Variants in GABRR2 observed in about 807,000 individuals in gnomAD.
GABRR2 encodes the protein gamma-aminobutyric acid receptor subunit rho-2.
Under a neutral mutation model 47.0 loss-of-function variants are expected in GABRR2, and 36 were observed. That is an observed-to-expected ratio of 0.77 (90% confidence interval 0.59 to 1.01). The LOEUF is 1.01. Ranked by LOEUF, GABRR2 falls within the 50% of genes least tolerant of loss-of-function variation. GABRR2 has a pLI of 0.00. For synonymous variants in GABRR2, 204 were observed against 227.5 expected (o/e 0.90, Z 0.93); for missense variants, 587 against 594.6 (o/e 0.99, Z 0.13).
In GABRR2 at chr6:89,257,625, C is replaced by A. The variant is rs771593200; in HGVS notation, c.*45G>T. The A allele has an allele frequency of 6.7e-6, 10 of 1,482,186 alleles. No individual in the cohort carries two copies. Among genetic ancestry groups the A allele is most frequent in the Admixed American group, 3.9e-5 (2 of 51,838 alleles). The allele number at this position is 1,482,186 out of a possible 1,614,324, so 91.8% of individuals were successfully genotyped here. ...GTCCGTCTGTCAATGACTGGCCAGG[C>A]CCCCTCGATGTCTATGCCCTCTTCT... On this transcript the variant is annotated 3_prime_UTR_variant, in exon 9 of 9. Coordinates refer to ENST00000402938, the MANE Select transcript of GABRR2 (RefSeq NM_002043.5).
At chr6:89,271,752 G>T (rs1295968335) in intron 2 of GABRR2, 30 bp from the exon 3 acceptor site, 2 of 1,595,398 alleles carry the variant, frequency 1.3e-6, no homozygotes, top group East Asian at 2.3e-5. Flanking sequence ...GCTGGTTAAG[G>T]CACCTTCCTC....
At chr6:89,297,741 T>C (rs2127846478) in intron 2 of GABRR2, among the ~76,000 whole-genome samples, 1 of 152,240 alleles carries the variant, frequency 6.6e-6, no homozygotes, top group Admixed American at 6.5e-5. Context: ...CAATCCCAGC[T>C]ATTCAGGAGG....
At chr6:89,274,005 T>G (rs150357450) in intron 2 of GABRR2, among the ~76,000 whole-genome samples, 4 of 152,326 alleles carry the variant, frequency 2.6e-5, no homozygotes, top group Admixed American at 2.6e-4. Flanking sequence ...TCAGATAACA[T>G]GCACAGTGTT....
At position 89,265,862 on chromosome 6, in the gene GABRR2, A is replaced by T; in HGVS notation, c.737-97T>A. ...GTCTTTCACTGACTTGGCTCTCCTC[A>T]GCAACAGAAAGTTGAAATTAATGAC... On this transcript the variant is annotated intron_variant, in intron 6 of 8. Coordinates refer to ENST00000402938, the MANE Select transcript of GABRR2 (RefSeq NM_002043.5). The T allele has an allele frequency of 1.2e-5, 15 of 1,206,584 alleles. No individual in the cohort carries two copies. The South Asian group carries it at 2.2e-4, about 18-fold the overall frequency. The allele number at this position is 1,206,584 out of a possible 1,614,324, so 74.7% of individuals were successfully genotyped here.
At chr6:89,298,712 T>C (rs947980159) in intron 2 of GABRR2, among the ~76,000 whole-genome samples, 1 of 152,216 alleles carries the variant, frequency 6.6e-6, no homozygotes, top group African/African-American at 2.4e-5. Context: ...TCAGAGCAGA[T>C]GACTGATTCC....
chr6:89,258,340 G>T (rs570323037), intron 8 of GABRR2, among the ~76,000 whole-genome samples: 1 of 152,252 alleles, frequency 6.6e-6, no homozygotes, highest in Non-Finnish European at 1.5e-5. Flanking sequence ...CACAGCTGGT[G>T]TCAGAGCAGG....
intron 1 of GABRR2, among the ~76,000 whole-genome samples, chr6:89,309,972 CAG>C (rs1245360869): frequency 7.4e-6 from 1 of 134,910 alleles, no homozygotes; most frequent in Admixed American, 7.9e-5. Flanking sequence ...TTTGTAGAGA[CAG>C]GGTCTCACTA....
intron 1 of GABRR2, among the ~76,000 whole-genome samples, chr6:89,312,652 C>T (rs1422510974): frequency 6.6e-6 from 1 of 152,140 alleles, no homozygotes; most frequent in African/African-American, 2.4e-5. Flanking sequence ...TTGACACCTG[C>T]GTGTCAATAA....
Position 89,269,137 on chromosome 6 carries a change from A to G in GABRR2, c.386T>C (p.Leu129Pro), listed in dbSNP as rs1172221029. The G allele has an allele frequency of 6.2e-7, 1 of 1,614,048 alleles. No homozygotes were observed. The highest frequency in any genetic ancestry group is 8.5e-7 in the Non-Finnish European group (1 of 1,179,892). ...ATCAGGGACCCAGATCTTCTTCACC[A>G]GCCGGCCATCGAAGGTCATGCTCTT... ...SNKSMTFDGR[L>P]VKKIWVPDVF... The change falls in exon 4 of 9, where the codon CTG becomes CCG. Residue 129 changes from leucine to proline, a missense_variant. Physicochemically the swap from Leu to Pro is moderately conservative, Grantham distance 98 (BLOSUM62 -3). Coordinates refer to ENST00000402938, the MANE Select transcript of GABRR2 (RefSeq NM_002043.5).
intron 2 of GABRR2, among the ~76,000 whole-genome samples, chr6:89,297,292 C>T (rs1399965528): frequency 6.6e-6 from 1 of 151,792 alleles, no homozygotes; most frequent in African/African-American, 2.4e-5. Flanking sequence ...TGTTGTGGGC[C>T]CCAGGCAGTG....
At chr6:89,308,149 T>C (rs565997493) in intron 1 of GABRR2, among the ~76,000 whole-genome samples, 1 of 152,298 alleles carries the variant, frequency 6.6e-6, no homozygotes, top group Admixed American at 6.5e-5. Flanking sequence ...GTGTGTTTCC[T>C]GTTTAAACTC....
chr6:89,263,913 T>C (rs1333842922), intron 8 of GABRR2, among the ~76,000 whole-genome samples: 1 of 152,200 alleles, frequency 6.6e-6, no homozygotes, highest in African/African-American at 2.4e-5. Flanking sequence ...CTTTAGTCCT[T>C]ACTGTGGCTG....
chr6:89,301,736 G>A (rs192434415), intron 1 of GABRR2: 2 of 662,420 alleles, frequency 3.0e-6, no homozygotes, highest in Admixed American at 2.1e-5. Flanking sequence ...TCAGCAGCCA[G>A]CCCAGCCCGC....
intron 5 of GABRR2, 24 bp downstream of exon 5, chr6:89,267,990 G>A: frequency 6.2e-7 from 1 of 1,601,940 alleles, no homozygotes; most frequent in Non-Finnish European, 8.5e-7. Context: ...AGAAAGTGAA[G>A]GAATTAGGAA....
intron 2 of GABRR2, among the ~76,000 whole-genome samples, chr6:89,291,375 C>A (rs1196708282): frequency 1.3e-5 from 2 of 152,134 alleles, no homozygotes; most frequent in Non-Finnish European, 2.9e-5. Flanking sequence ...TTAGGCTGTG[C>A]TGCCAAGAGT....
chr6:89,298,847 C>T (rs1385517975), intron 2 of GABRR2, among the ~76,000 whole-genome samples: 1 of 152,062 alleles, frequency 6.6e-6, no homozygotes, highest in African/African-American at 2.4e-5. Context: ...GAGGGTGGAG[C>T]CCTCACCAGT....
chr6:89,265,600 G>C lies in GABRR2; in HGVS notation c.889+13C>G. 2 of 1,607,306 alleles carry C rather than the reference G, an allele frequency of 1.2e-6. No homozygotes were observed. ...AAATAACCACCCTACCACACCTTAT[G>C]AAATGCTTTTACCCAGTGAAACTCT... On this transcript the variant is annotated intron_variant, in intron 7 of 8. Transcript: ENST00000402938.
At chr6:89,307,443 C>T (rs746262537) in intron 1 of GABRR2, among the ~76,000 whole-genome samples, 2 of 152,208 alleles carry the variant, frequency 1.3e-5, no homozygotes, top group Non-Finnish European at 2.9e-5. Flanking sequence ...ACCAATGATG[C>T]CTAAATCCCA....
At chr6:89,293,177 G>C (rs1215019713) in intron 2 of GABRR2, among the ~76,000 whole-genome samples, 3 of 152,154 alleles carry the variant, frequency 2.0e-5, no homozygotes, top group African/African-American at 7.2e-5. Context: ...CATTATGCTA[G>C]ATGGAATATG....
Sources: allele counts gnomAD v4.1 joint callset (sites outside exome capture counted in the v4.1 genomes callset), GRCh38; gene constraint gnomAD v4.1.1; transcripts MANE v1.5; gene names NCBI Gene and HGNC (gene_info 2026-07-23, HGNC 2026-07-21).